The following FAM135B variants were observed in gnomAD, a reference collection of about 807,000 sequenced individuals.
FAM135B encodes the protein protein FAM135B.
FAM135B carries 43 observed loss-of-function variants against 127.7 expected under a neutral mutation model. The observed-to-expected ratio is 0.34, with a 90% CI of 0.26 to 0.43. The LOEUF (loss-of-function observed/expected upper bound fraction) is 0.43. FAM135B is among the 20% of genes least tolerant of loss of function. The pLI is 1.00. For missense variants in FAM135B, 1,558 were observed against 1,725.6 expected (o/e 0.90, Z 1.72); for synonymous variants, 670 against 665.1 (o/e 1.01, Z -0.11).
At chr8:138,223,643 G>A (rs1819195977) in intron 7 of FAM135B, among the ~76,000 whole-genome samples, 1 of 152,172 alleles carries the variant, frequency 6.6e-6, no homozygotes. Flanking sequence ...GATAGAGGTG[G>A]CCAAGACTCT....
chr8:138,391,975 C>G (rs1331326395), intron 1 of FAM135B, among the ~76,000 whole-genome samples: 2 of 152,172 alleles, frequency 1.3e-5, no homozygotes, highest in African/African-American at 2.4e-5. Flanking sequence ...GGATGGGTCT[C>G]TCTCACCTCT....
chr8:138,223,487 C>T (rs766817242), intron 7 of FAM135B, among the ~76,000 whole-genome samples: 1 of 152,156 alleles, frequency 6.6e-6, no homozygotes, highest in African/African-American at 2.4e-5. Context: ...GGAAAGAATG[C>T]TTGTGCAGAG....
chr8:138,273,454 T>C (rs182746862), intron 3 of FAM135B, among the ~76,000 whole-genome samples: 1 of 152,328 alleles, frequency 6.6e-6, no homozygotes, highest in East Asian at 1.9e-4. Context: ...TCCGCCCACC[T>C]TGGCTTCCCA....
intron 2 of FAM135B, among the ~76,000 whole-genome samples, chr8:138,339,594 T>C (rs1185261036): frequency 6.6e-6 from 1 of 152,100 alleles, no homozygotes; most frequent in Non-Finnish European, 1.5e-5. Context: ...TGCACTGGCC[T>C]TTGACAAAAC....
chr8:138,149,293 T>A (rs1817927827), intron 13 of FAM135B, among the ~76,000 whole-genome samples: 1 of 152,058 alleles, frequency 6.6e-6, no homozygotes, highest in Non-Finnish European at 1.5e-5. Flanking sequence ...TCTACCCAGC[T>A]CCAAGGCCCC....
intron 14 of FAM135B, 56 bp downstream of exon 14, chr8:138,148,464 T>C: frequency 1.4e-6 from 2 of 1,389,188 alleles, no homozygotes; most frequent in East Asian, 4.8e-5. Context: ...AATACATAAA[T>C]ATTATAAGTT....
chr8:138,201,459 G>A (rs1343763501), intron 7 of FAM135B, among the ~76,000 whole-genome samples: 1 of 152,054 alleles, frequency 6.6e-6, no homozygotes, highest in Non-Finnish European at 1.5e-5. Flanking sequence ...TACGGCTAGA[G>A]AGTATTATAA....
At chr8:138,142,145 C>T (rs1001010712) in intron 16 of FAM135B, among the ~76,000 whole-genome samples, 27 of 152,050 alleles carry the variant, frequency 1.8e-4, no homozygotes, top group African/African-American at 6.3e-4. Context: ...AAGGGATTAG[C>T]ACTATGTCTA....
chr8:138,465,240 G>A (rs1208006027), intron 1 of FAM135B, among the ~76,000 whole-genome samples: 1 of 152,092 alleles, frequency 6.6e-6, no homozygotes, highest in African/African-American at 2.4e-5. Context: ...AGACCCAAAG[G>A]TCATCTGCCA....
chr8:138,147,797 A>G (rs1817776743), intron 14 of FAM135B, among the ~76,000 whole-genome samples: 1 of 152,174 alleles, frequency 6.6e-6, no homozygotes, highest in Admixed American at 6.5e-5. Flanking sequence ...AATTGCCTAT[A>G]ACCTGATCCG....
chr8:138,433,279 T>C (rs1170789242), intron 1 of FAM135B, among the ~76,000 whole-genome samples: 1 of 151,990 alleles, frequency 6.6e-6, no homozygotes, highest in Non-Finnish European at 1.5e-5. Context: ...CCCAGCACTT[T>C]GGGAGGCCGA....
chr8:138,212,697 T>A (rs1379587007), intron 7 of FAM135B, among the ~76,000 whole-genome samples: 1 of 152,238 alleles, frequency 6.6e-6, no homozygotes, highest in African/African-American at 2.4e-5. Context: ...GATGGCACTT[T>A]CATTTTCTAG....
intron 11 of FAM135B, among the ~76,000 whole-genome samples, chr8:138,174,845 C>T (rs909076489): frequency 6.6e-6 from 1 of 150,390 alleles, no homozygotes; most frequent in Non-Finnish European, 1.5e-5. Flanking sequence ...CATAGCACTC[C>T]TTACCACTTA....
At chr8:138,445,551 G>A (rs199627194) in intron 1 of FAM135B, among the ~76,000 whole-genome samples, 30 of 152,002 alleles carry the variant, frequency 2.0e-4, no homozygotes, top group Non-Finnish European at 4.4e-5. Context: ...AAAGACAAAA[G>A]CCATATGATT....
In FAM135B at chr8:138,444,422, G is replaced by A. The variant is rs1006318453; in HGVS notation, c.-20+52249C>T. Among the ~76,000 whole-genome samples, 70 of 152,308 alleles carry A rather than the reference G, an allele frequency of 4.6e-4. 1 individual carries two copies. The highest frequency in any genetic ancestry group is 1.6e-3 in the African/African-American group (65 of 41,582). ...GGAAGTAAAGCACTCCTCAGCAAATGTGAAAGAACAGAAATTATCACAAAC... is the reference window on the plus strand; with the variant it reads ...GGAAGTAAAGCACTCCTCAGCAAATATGAAAGAACAGAAATTATCACAAAC... On this transcript the variant is annotated intron_variant, in intron 1 of 19. Coordinates refer to ENST00000395297, the MANE Select transcript of FAM135B (RefSeq NM_015912.4).
chr8:138,184,690 C>T (rs552499360), intron 9 of FAM135B, among the ~76,000 whole-genome samples: 26 of 152,274 alleles, frequency 1.7e-4, no homozygotes, highest in South Asian at 1.2e-3. Flanking sequence ...TCCAGCTTCA[C>T]GGCATGGCAG....
chr8:138,211,066 T>C (rs1272314544), intron 7 of FAM135B, among the ~76,000 whole-genome samples: 4 of 152,104 alleles, frequency 2.6e-5, no homozygotes, highest in Non-Finnish European at 5.9e-5. Flanking sequence ...TGCCATTCTA[T>C]AAAAGATGCT....
At chr8:138,228,086 C>T (rs748661588) in intron 7 of FAM135B, among the ~76,000 whole-genome samples, 3 of 152,090 alleles carry the variant, frequency 2.0e-5, no homozygotes, top group African/African-American at 7.2e-5. Context: ...GTCTTGGGCA[C>T]TTTATGTGTG....
intron 2 of FAM135B, among the ~76,000 whole-genome samples, chr8:138,323,109 A>G (rs1399368804): frequency 6.6e-6 from 1 of 152,210 alleles, no homozygotes; most frequent in Non-Finnish European, 1.5e-5. Context: ...ATTTCAGCAG[A>G]ACTTGTCTGG....
Sources: gnomAD v4.1 joint callset for allele counts (sites outside exome capture counted in the v4.1 genomes callset) on GRCh38, gnomAD v4.1.1 for gene constraint, MANE v1.5 for transcripts, NCBI Gene and HGNC (gene_info 2026-07-23, HGNC 2026-07-21) for gene names.